Variants in CABIN1 observed in about 807,000 individuals in gnomAD.
CABIN1 encodes calcineurin binding protein 1.
Under a neutral mutation model 227.7 loss-of-function variants are expected in CABIN1, and 133 were observed. That is an observed-to-expected ratio of 0.58 (90% CI 0.51 to 0.67). CABIN1 has a LOEUF of 0.67. Ranked by LOEUF, CABIN1 falls within the 30% of genes least tolerant of loss-of-function variation. The pLI is 0.00. For synonymous variants in CABIN1, 1,086 were observed against 1,155.1 expected (o/e 0.94, Z 1.21); for missense variants, 2,408 against 2,852.5 (o/e 0.84, Z 3.55).
chr22:24,155,803 G>A, intron 29 of CABIN1: 1 of 412,352 alleles, frequency 2.4e-6, no homozygotes. Flanking sequence ...ATGCTCTCTG[G>A]GGCCCCACAG....
intron 1 of CABIN1, among the ~76,000 whole-genome samples, chr22:24,023,059 G>GT (rs1366939662): frequency 2.0e-5 from 3 of 152,256 alleles, no homozygotes; most frequent in Admixed American, 6.5e-5. Flanking sequence ...CAGAAACTTT[G>GT]TGTTTATTAG....
At chr22:24,116,598 A>T (rs2043102448) in intron 27 of CABIN1, among the ~76,000 whole-genome samples, 1 of 152,202 alleles carries the variant, frequency 6.6e-6, no homozygotes, top group African/African-American at 2.4e-5. Context: ...GTAGAGTTTG[A>T]GTAAGACGAT....
At position 24,113,569 on chromosome 22, in the gene CABIN1, G is replaced by C. The variant is rs145786143; in HGVS notation, c.4121G>C (p.Arg1374Pro). Residue 1374 changes from arginine to proline, a missense_variant, in exon 27 of 37, where the codon CGA becomes CCA. Arg to Pro is a moderately radical substitution (Grantham distance 103). This residue lies in a region of CABIN1 where 649 missense variants were observed against 910.3 expected (regional missense o/e 0.71). Transcript: ENST00000263119. ...KPHQQATPDD[R>P]SQDSTAVALS... ...CTCTTCCTCCTTCTCCCCTCAGACCGAAGCCAGGACAGCACAGCCGTAGCA... is the reference window on the plus strand; with the variant it reads ...CTCTTCCTCCTTCTCCCCTCAGACCCAAGCCAGGACAGCACAGCCGTAGCA... 6.2e-7 allele frequency: 1 copy of C among 1,614,056 alleles called. No individual in the cohort carries two copies. Among genetic ancestry groups the C allele is most frequent in the South Asian group, 1.1e-5 (1 of 91,080 alleles).
intron 25 of CABIN1, among the ~76,000 whole-genome samples, chr22:24,097,333 T>C (rs2041953646): frequency 6.6e-6 from 1 of 152,226 alleles, no homozygotes; most frequent in African/African-American, 2.4e-5. Context: ...TTTCTGTATA[T>C]TTATAACACT....
chr22:24,077,466 C>T (rs2040521981), intron 19 of CABIN1, among the ~76,000 whole-genome samples: 1 of 152,128 alleles, frequency 6.6e-6, no homozygotes, highest in Non-Finnish European at 1.5e-5. Context: ...GTGATTTGTC[C>T]AGGAGACCCA....
Position 24,090,576 on chromosome 22 carries a change from G to A in CABIN1, c.3526-1007G>A, listed in dbSNP as rs149787036. On this transcript the variant is annotated intron_variant, in intron 23 of 36. Coordinates refer to ENST00000263119, the MANE Select transcript of CABIN1 (RefSeq NM_012295.4). ...CTAACAGAGCACTGGGTAGCACATT[G>A]CTCCCTTATTTCAGTCCTGGGGCCA... 9.1e-4 allele frequency among the ~76,000 whole-genome samples: 121 copies of A among 133,148 alleles called. 1 individual carries two copies. The highest frequency in any genetic ancestry group is 3.3e-3 in the African/African-American group (115 of 34,612). 87.4% of individuals were successfully genotyped at this position (133,148 alleles called of 152,430 possible).
intron 25 of CABIN1, 41 bp downstream of exon 25, chr22:24,096,123 A>G (rs1602059271): frequency 1.2e-6 from 2 of 1,610,482 alleles, no homozygotes; most frequent in East Asian, 2.2e-5. Context: ...AGCTTACCCC[A>G]TCTGCATCCC....
At chr22:24,113,541 C>T (rs1169365562) in intron 26 of CABIN1, 25 bp from the exon 27 acceptor site, 3 of 1,611,340 alleles carry the variant, frequency 1.9e-6, no homozygotes, top group African/African-American at 1.3e-5. Flanking sequence ...ATGCTCTCGC[C>T]CTCTCTTCCT....
At chr22:24,109,632 CA>C in intron 26 of CABIN1, among the ~76,000 whole-genome samples, 2 of 152,266 alleles carry the variant, frequency 1.3e-5, no homozygotes, top group East Asian at 1.9e-4. Context: ...GGTAGCTGAG[CA>C]AAGGGTTGGT....
chr22:24,167,432 C>A, intron 32 of CABIN1, 119 bp downstream of exon 32: 3 of 807,922 alleles, frequency 3.7e-6, no homozygotes, highest in Non-Finnish European at 6.0e-6. Flanking sequence ...AGGTGTTGTT[C>A]CCACACCATC....
In CABIN1 at chr22:24,087,608, G is replaced by T; in HGVS notation, c.3420G>T (p.Leu1140Phe). The change falls in exon 23 of 37, where the codon TTG (leucine) becomes TTT (phenylalanine). Residue 1140 changes from leucine (L) to phenylalanine (F), a missense_variant. Transcript: ENST00000263119. ...CCCTGGAGATTGACAGCTCCAACTTGTCCCTATGGATTGAGTATGGCACCA... is the reference window on the plus strand; with the variant it reads ...CCCTGGAGATTGACAGCTCCAACTTTTCCCTATGGATTGAGTATGGCACCA... ...RRALEIDSSN[L>F]SLWIEYGTMS... 1 of 1,614,158 alleles carries T rather than the reference G, an allele frequency of 6.2e-7. No homozygotes were observed. The highest frequency in any genetic ancestry group is 8.5e-7 in the Non-Finnish European group (1 of 1,180,026).
chr22:24,113,886 G>A (rs572451299), intron 27 of CABIN1, 138 bp downstream of exon 27: 2 of 910,598 alleles, frequency 2.2e-6, no homozygotes, highest in African/African-American at 3.3e-5. Context: ...CTCCCTGTAG[G>A]ATGAGAATGG....
chr22:24,030,565 T>C (rs1309439974), intron 1 of CABIN1, among the ~76,000 whole-genome samples: 1 of 152,204 alleles, frequency 6.6e-6, no homozygotes, highest in Non-Finnish European at 1.5e-5. Flanking sequence ...GAGAGTTGAC[T>C]TGAGTTTTAA....
At chr22:24,092,837 G>A (rs986766619) in intron 24 of CABIN1, among the ~76,000 whole-genome samples, 3 of 151,904 alleles carry the variant, frequency 2.0e-5, no homozygotes, top group South Asian at 2.1e-4. Flanking sequence ...CTGTATGTCC[G>A]AATTTTTTCC....
At chr22:24,063,389 C>T (rs572939220) in intron 14 of CABIN1, among the ~76,000 whole-genome samples, 1 of 152,316 alleles carries the variant, frequency 6.6e-6, no homozygotes, top group African/African-American at 2.4e-5. Context: ...TTAGCATAAC[C>T]ACAGAGCTCT....
At position 24,067,150 on chromosome 22, in the gene CABIN1, C is replaced by CT. The variant is rs1255358158; in HGVS notation, c.2202dup (p.Glu735Ter). 6.2e-7 allele frequency: 1 copy of CT among 1,614,282 alleles called. No homozygotes were observed. The highest frequency in any genetic ancestry group is 1.7e-5 in the Admixed American group (1 of 60,032). On this transcript the variant is annotated frameshift_variant, in exon 16 of 37. Coordinates refer to ENST00000263119, the MANE Select transcript of CABIN1 (RefSeq NM_012295.4). LOFTEE classifies it high-confidence loss of function. ...CACCTGGAGTTTATGACTTCCATTC[C>CT]TGAGAGGCCAGCCCAGCTGCTTCTT...
At chr22:24,034,576 C>A (rs1036342614) in intron 1 of CABIN1, among the ~76,000 whole-genome samples, 1 of 152,140 alleles carries the variant, frequency 6.6e-6, no homozygotes, top group Admixed American at 6.5e-5. Flanking sequence ...CATTCATGAA[C>A]AAGTTTTGGC....
Position 24,178,130 on chromosome 22 carries a change from G to A in CABIN1, c.6597G>A (p.Glu2199=). 6.2e-7 allele frequency: 1 copy of A among 1,613,824 alleles called. No individual in the cohort carries two copies. The highest frequency in any genetic ancestry group is 1.6e-4 in the Middle Eastern group (1 of 6,062). The change falls in exon 37 of 37, where the codon GAG becomes GAA. Residue 2199 remains glutamate, a synonymous_variant. Transcript: ENST00000263119. The part of the protein sequence containing the change: ...SLCQPALEVL[E]TSSQESSLES... ...GCCAGCCAGCCCTGGAGGTCCTGGA[G>A]ACATCCAGCCAGGAGTCCTCGCTGG...
intron 15 of CABIN1, among the ~76,000 whole-genome samples, chr22:24,064,724 G>A (rs1367388381): frequency 1.3e-5 from 2 of 151,968 alleles, no homozygotes; most frequent in Admixed American, 6.6e-5. Flanking sequence ...GACTCTTAAC[G>A]AGCATGCTGC....
Sources: gnomAD v4.1 joint callset for allele counts (sites outside exome capture counted in the v4.1 genomes callset) on GRCh38, gnomAD v4.1.1 for gene constraint, gnomAD v4.1.1 regional missense constraint, MANE v1.5 for transcripts, NCBI Gene and HGNC (gene_info 2026-07-23, HGNC 2026-07-21) for gene names.